Variants in METTL21A observed in about 807,000 individuals in gnomAD.
METTL21A encodes the protein protein N-lysine methyltransferase METTL21A.
A neutral mutation model predicts 20.9 loss-of-function variants in METTL21A; 22 were observed. That is an observed-to-expected ratio of 1.05 (90% CI 0.75 to 1.50). The LOEUF (loss-of-function observed/expected upper bound fraction) is 1.50, where lower values mean the gene tolerates loss of function less well. Among genes scored for constraint, METTL21A ranks in the 40% most tolerant of loss-of-function variants. METTL21A has a pLI of 0.00. For synonymous variants in METTL21A, 93 were observed against 102.0 expected (o/e 0.91, Z 0.53); for missense variants, 271 against 266.8 (o/e 1.02, Z -0.11).
chr2:207,588,536 C>A (rs115214900), intron 3 of METTL21A, among the ~76,000 whole-genome samples: 2 of 151,934 alleles, frequency 1.3e-5, no homozygotes, highest in South Asian at 4.2e-4. Flanking sequence ...TTTTATAATC[C>A]GCTTGTTGAT....
At chr2:207,589,307 C>T (rs1042361362) in intron 3 of METTL21A, among the ~76,000 whole-genome samples, 1 of 152,150 alleles carries the variant, frequency 6.6e-6, no homozygotes, top group Admixed American at 6.5e-5. Flanking sequence ...TTTTTTGCCT[C>T]ATGGCCCCCT....
intron 3 of METTL21A, among the ~76,000 whole-genome samples, chr2:207,616,744 G>A (rs1360778474): frequency 6.6e-6 from 1 of 152,164 alleles, no homozygotes. Context: ...TACTCAAGAG[G>A]CTGAGGCAGG....
chr2:207,621,394 A>G (rs2090458854), intron 3 of METTL21A, among the ~76,000 whole-genome samples: 1 of 152,266 alleles, frequency 6.6e-6, no homozygotes, highest in African/African-American at 2.4e-5. Flanking sequence ...AGAAAAGACT[A>G]TCTGCTCTAT....
At chr2:207,581,027 G>C (rs901569700), downstream of METTL21A, 1 of 217,154 alleles carries the variant, frequency 4.6e-6, no homozygotes, top group East Asian at 6.8e-5. Flanking sequence ...GAAAAATTGT[G>C]AAAGTAATAC....
downstream of METTL21A, among the ~76,000 whole-genome samples, chr2:207,604,455 CCTT>C (rs1434767946): frequency 1.4e-5 from 2 of 144,514 alleles, no homozygotes; most frequent in Non-Finnish European, 3.0e-5. Context: ...TCAGTGTTAT[CCTT>C]CTTCTTAACT....
chr2:207,588,737 T>TGTG (rs199576312), intron 3 of METTL21A, among the ~76,000 whole-genome samples: 1 of 148,408 alleles, frequency 6.7e-6, no homozygotes, highest in African/African-American at 2.5e-5. Flanking sequence ...GGTTTTTTTT[T>TGTG]TTTTTGTGTG....
chr2:207,605,271 GTC>G (rs142169610), downstream of METTL21A, among the ~76,000 whole-genome samples: 66 of 152,218 alleles, frequency 4.3e-4, no homozygotes, highest in East Asian at 0.012. Context: ...CATGGGTGTG[GTC>G]TCTCATTGTG....
At chr2:207,602,280 C>A (rs964751497) in intron 3 of METTL21A, 1 of 190,850 alleles carries the variant, frequency 5.2e-6, no homozygotes, top group African/African-American at 2.3e-5. Context: ...GCCGGTGATG[C>A]AAGTTGATAT....
At chr2:207,603,004 T>C (rs1415510592) in intron 3 of METTL21A, 1 of 214,014 alleles carries the variant, frequency 4.7e-6, no homozygotes, top group Non-Finnish European at 9.4e-6. Flanking sequence ...TTTTTGAGGG[T>C]TGGGGTAAAG....
downstream of METTL21A, among the ~76,000 whole-genome samples, chr2:207,605,983 C>T (rs1423271052): frequency 6.6e-6 from 1 of 152,162 alleles, no homozygotes; most frequent in Admixed American, 6.5e-5. Context: ...TTAGAAGTGG[C>T]ACAGACTTTC....
chr2:207,604,211 G>C (rs908719145), downstream of METTL21A, among the ~76,000 whole-genome samples: 1 of 152,184 alleles, frequency 6.6e-6, no homozygotes, highest in African/African-American at 2.4e-5. Flanking sequence ...GAAGTGACAA[G>C]ACCATCCTTG....
At chr2:207,591,231 A>T (rs2084973165) in intron 3 of METTL21A, among the ~76,000 whole-genome samples, 1 of 152,168 alleles carries the variant, frequency 6.6e-6, no homozygotes, top group East Asian at 1.9e-4. Flanking sequence ...TAAGGCATTC[A>T]TCCCTTTGTT....
downstream of METTL21A, among the ~76,000 whole-genome samples, chr2:207,607,138 C>G (rs2088234920): frequency 6.6e-6 from 1 of 152,094 alleles, no homozygotes; most frequent in South Asian, 2.1e-4. Context: ...CCTGTAATCC[C>G]TGCACTTTGG....
At chr2:207,599,067 G>A (rs2106636833) in intron 3 of METTL21A, 1 of 188,782 alleles carries the variant, frequency 5.3e-6, no homozygotes, top group Admixed American at 6.2e-5. Flanking sequence ...ACAAACCATT[G>A]TCTTTTTTCA....
At chr2:207,613,591 G>C in intron 3 of METTL21A, 148 bp from the exon 4 acceptor site, 1 of 704,520 alleles carries the variant, frequency 1.4e-6, no homozygotes, top group Non-Finnish European at 2.2e-6. Flanking sequence ...AGCTGCAATA[G>C]AAAAATGACT....
downstream of METTL21A, among the ~76,000 whole-genome samples, chr2:207,608,234 A>C (rs2088433398): frequency 6.6e-6 from 1 of 152,100 alleles, no homozygotes; most frequent in Non-Finnish European, 1.5e-5. Context: ...CCTCTTTCCC[A>C]GTCTGTCTTC....
downstream of METTL21A, among the ~76,000 whole-genome samples, chr2:207,605,647 T>G (rs961875511): frequency 6.6e-6 from 1 of 152,160 alleles, no homozygotes; most frequent in African/African-American, 2.4e-5. Flanking sequence ...CTCTCCCTTT[T>G]TTTACACAAA....
At chr2:207,604,726 G>T (rs1444498586), downstream of METTL21A, among the ~76,000 whole-genome samples, 1 of 152,062 alleles carries the variant, frequency 6.6e-6, no homozygotes, top group African/African-American at 2.4e-5. Flanking sequence ...GTAAAGTCCC[G>T]TTACTCTCCA....
intron 3 of METTL21A, among the ~76,000 whole-genome samples, chr2:207,588,929 A>G (rs2084439982): frequency 6.6e-6 from 1 of 151,980 alleles, no homozygotes; most frequent in Non-Finnish European, 1.5e-5. Context: ...TACACAAATT[A>G]TCATGTCACC....
Sources: allele counts gnomAD v4.1 joint callset (sites outside exome capture counted in the v4.1 genomes callset), GRCh38; gene constraint gnomAD v4.1.1; transcripts MANE v1.5; gene names NCBI Gene and HGNC (gene_info 2026-07-23, HGNC 2026-07-21).